Variants in CTSK observed in about 807,000 individuals in gnomAD.
CTSK encodes cathepsin K.
In CTSK, 26 loss-of-function variants were observed where a neutral mutation model predicts 40.5. The observed-to-expected ratio is 0.64, with a 90% CI of 0.47 to 0.89. The LOEUF (loss-of-function observed/expected upper bound fraction) is 0.89. CTSK is among the 40% of genes least tolerant of loss of function. CTSK has a pLI of 0.00. For synonymous variants in CTSK, 132 were observed against 143.2 expected (o/e 0.92, Z 0.56); for missense variants, 292 against 400.1 (o/e 0.73, Z 2.30).
chr1:150,805,226 T>A (rs1287960429), intron 4 of CTSK, among the ~76,000 whole-genome samples: 7 of 110,294 alleles, frequency 6.3e-5, no homozygotes, highest in African/African-American at 1.8e-4. Flanking sequence ...AAAAAAAAAA[T>A]TTGGGGGGGG....
At chr1:150,804,293 T>G (rs1557825967) in intron 4 of CTSK, 54 bp from the exon 5 acceptor site, 3 of 1,393,688 alleles carry the variant, frequency 2.2e-6, no homozygotes, top group Non-Finnish European at 3.1e-6. Context: ...TTTCTATATC[T>G]TCTCTCTACC....
intron 5 of CTSK, among the ~76,000 whole-genome samples, chr1:150,800,211 A>C (rs919546724): frequency 4.0e-5 from 6 of 151,626 alleles, no homozygotes; most frequent in Non-Finnish European, 7.4e-5. Flanking sequence ...AAAAAAAATC[A>C]ACTACAGGTG....
At chr1:150,807,492 C>A in intron 1 of CTSK, 2 of 381,938 alleles carry the variant, frequency 5.2e-6, no homozygotes, top group South Asian at 2.0e-5. Context: ...CCAGATGCTG[C>A]GGGCAAGGTT....
intron 7 of CTSK, among the ~76,000 whole-genome samples, chr1:150,797,977 G>A (rs1653907466): frequency 6.6e-6 from 1 of 152,194 alleles, no homozygotes; most frequent in Non-Finnish European, 1.5e-5. Context: ...CACTGCGTGA[G>A]TCTGTCAGCG....
intron 7 of CTSK, among the ~76,000 whole-genome samples, 155 bp from the exon 8 acceptor site, chr1:150,797,053 A>C (rs16841775): frequency 1.3e-5 from 2 of 152,214 alleles, no homozygotes; most frequent in Non-Finnish European, 2.9e-5. Flanking sequence ...GGGAGAAGGC[A>C]TAATACTGTA....
At chr1:150,801,442 AT>A (rs1449657292) in intron 5 of CTSK, among the ~76,000 whole-genome samples, 1 of 151,266 alleles carries the variant, frequency 6.6e-6, no homozygotes, top group Non-Finnish European at 1.5e-5. Flanking sequence ...TTTAAATTTT[AT>A]TTTTTCTTAC....
chr1:150,802,866 C>G (rs1366946167), intron 5 of CTSK, among the ~76,000 whole-genome samples: 1 of 152,100 alleles, frequency 6.6e-6, no homozygotes, highest in Non-Finnish European at 1.5e-5. Context: ...TCACCACACT[C>G]CAGCCTGGGC....
chr1:150,805,935 G>T lies in CTSK; in HGVS notation c.325C>A (p.Pro109Thr). Residue 109 changes from proline to threonine, a missense_variant, in exon 4 of 8, where the codon CCA becomes ACA. Physicochemically the swap from Pro to Thr is conservative, Grantham distance 38. Coordinates refer to ENST00000271651, the MANE Select transcript of CTSK (RefSeq NM_000396.4). The stretch of plus-strand genomic sequence containing the variant: ...TCTGGGGCTCTACCTTCCCATTCTG[G>T]GATATAAAGGGTGTCATTACTGCGG... ...HSRSNDTLYIPEWEGRAPDSV... is the reference protein window; with the variant it reads ...HSRSNDTLYITEWEGRAPDSV... 6.2e-7 allele frequency: 1 copy of T among 1,614,092 alleles called. No homozygotes were observed. Among genetic ancestry groups the T allele is most frequent in the Non-Finnish European group, 8.5e-7 (1 of 1,180,014 alleles).
chr1:150,805,423 A>T (rs1054226916), intron 4 of CTSK, among the ~76,000 whole-genome samples: 3 of 151,890 alleles, frequency 2.0e-5, no homozygotes, highest in Non-Finnish European at 4.4e-5. Context: ...CAGGTGGATC[A>T]CCTGAGGTCA....
chr1:150,805,955 C>T lies in CTSK; in HGVS notation c.305G>A (p.Ser102Asn), dbSNP rs746005364. 6.2e-7 allele frequency: 1 copy of T among 1,614,136 alleles called. No individual in the cohort carries two copies. Among genetic ancestry groups the T allele is most frequent in the Non-Finnish European group, 8.5e-7 (1 of 1,180,026 alleles). ...GLKVPLSHSR[S>N]NDTLYIPEWE... Reference sequence around the variant, plus strand: ...TTCTGGGATATAAAGGGTGTCATTACTGCGGGAATGAGACAGGGGTACTTT... The same window carrying T: ...TTCTGGGATATAAAGGGTGTCATTATTGCGGGAATGAGACAGGGGTACTTT... The change falls in exon 4 of 8, where the codon AGT becomes AAT. Residue 102 changes from serine to asparagine, a missense_variant. By Grantham distance (46) the Ser-to-Asn change is conservative (BLOSUM62 1). Transcript: ENST00000271651.
chr1:150,806,914 A>G (rs1654105898), intron 1 of CTSK, 108 bp from the exon 2 acceptor site: 5 of 1,360,480 alleles, frequency 3.7e-6, no homozygotes, highest in East Asian at 2.3e-5. Flanking sequence ...TGATAAAACA[A>G]TGATAGTCAG....
At chr1:150,802,306 G>A (rs1257379926) in intron 5 of CTSK, among the ~76,000 whole-genome samples, 1 of 151,628 alleles carries the variant, frequency 6.6e-6, no homozygotes, top group African/African-American at 2.4e-5. Context: ...GGTAGGCCAG[G>A]CATGGTGGCT....
chr1:150,807,194 C>G, intron 1 of CTSK: 1 of 467,248 alleles, frequency 2.1e-6, no homozygotes, highest in Non-Finnish European at 4.4e-6. Context: ...CCTCCAGGGT[C>G]CCTAGCAGGC....
intron 2 of CTSK, 141 bp from the exon 3 acceptor site, chr1:150,806,365 C>G: frequency 1.0e-6 from 1 of 990,044 alleles, no homozygotes; most frequent in Non-Finnish European, 1.5e-6. Context: ...GAATTAAGAG[C>G]CTGCAAGAAG....
chr1:150,804,644 A>G (rs1400208161), intron 4 of CTSK, among the ~76,000 whole-genome samples: 1 of 152,204 alleles, frequency 6.6e-6, no homozygotes, highest in East Asian at 1.9e-4. Flanking sequence ...TAAAATCTCA[A>G]AAAGTATTAG....
rs184390283 is a variant in CTSK, at chr1:150,796,486, C to A, written c.*313G>T. 11 of 487,964 alleles carry A rather than the reference C, an allele frequency of 2.3e-5. No homozygotes were observed. In the East Asian group the frequency reaches 4.3e-4, roughly 19 times the overall value. 30.2% of individuals were successfully genotyped at this position (487,964 alleles called of 1,614,324 possible). A position where few individuals can be genotyped will look rare whatever the true frequency, so the allele number is the denominator to read the frequency against. ...ATGAGAATCTAACCTATGTGAAAAT[C>A]TCCAGCCTGTACCTGTACAGCATCA... On this transcript the variant is annotated 3_prime_UTR_variant, in exon 8 of 8. Transcript: ENST00000271651.
chr1:150,799,520 T>C (rs2101947940), intron 6 of CTSK, 24 bp downstream of exon 6: 1 of 1,613,754 alleles, frequency 6.2e-7, no homozygotes, highest in Non-Finnish European at 8.5e-7. Flanking sequence ...AAGACAGTGC[T>C]GTATAGGATC....
intron 1 of CTSK, chr1:150,807,299 G>C: frequency 2.1e-6 from 1 of 471,574 alleles, no homozygotes; most frequent in Non-Finnish European, 4.4e-6. Context: ...TTTCTTCGAG[G>C]CGTTCTTCTC....
chr1:150,797,047 G>A (rs1653888745), intron 7 of CTSK, 149 bp from the exon 8 acceptor site: 1 of 700,460 alleles, frequency 1.4e-6, no homozygotes, highest in Non-Finnish European at 2.6e-6. Context: ...GAAATAGGGA[G>A]AAGGCATAAT....
Sources: gnomAD v4.1 joint callset for allele counts (sites outside exome capture counted in the v4.1 genomes callset) on GRCh38, gnomAD v4.1.1 for gene constraint, MANE v1.5 for transcripts, NCBI Gene and HGNC (gene_info 2026-07-23, HGNC 2026-07-21) for gene names.